The following DST variants were observed in gnomAD, a reference collection of about 807,000 sequenced individuals.
DST encodes the protein bullous pemphigoid antigen.
DST carries 253 observed loss-of-function variants against 875.2 expected under a neutral mutation model. The observed-to-expected ratio is 0.29, with a 90% CI of 0.26 to 0.32. The LOEUF (loss-of-function observed/expected upper bound fraction) is 0.32. Ranked by LOEUF, DST falls within the 10% of genes least tolerant of loss-of-function variation. The pLI, the probability that DST is intolerant of heterozygous loss-of-function variation, is 1.00. For missense variants in DST, 8,287 were observed against 9,111.6 expected (o/e 0.91, Z 3.68); for synonymous variants, 3,124 against 3,197.1 (o/e 0.98, Z 0.77).
At chr6:56,582,769 C>T (rs573279906) in intron 49 of DST, among the ~76,000 whole-genome samples, 1 of 152,164 alleles carries the variant, frequency 6.6e-6, no homozygotes, top group Non-Finnish European at 1.5e-5. Context: ...CAACAGGCCC[C>T]AGAGTGTGAT....
intron 4 of DST, among the ~76,000 whole-genome samples, chr6:56,771,413 A>G (rs1379796039): frequency 1.3e-5 from 2 of 152,214 alleles, no homozygotes; most frequent in Non-Finnish European, 2.9e-5. Context: ...TATAATAGGT[A>G]AAGAATGTGG....
intron 66 of DST, among the ~76,000 whole-genome samples, chr6:56,529,186 G>C (rs2096853996): frequency 6.6e-6 from 1 of 152,014 alleles, no homozygotes; most frequent in Non-Finnish European, 1.5e-5. Context: ...GGGCTTTGTG[G>C]ACATACTGAA....
intron 58 of DST, 23 bp downstream of exon 58, chr6:56,560,271 T>C (rs2097516325): frequency 6.4e-7 from 1 of 1,558,614 alleles, no homozygotes; most frequent in Non-Finnish European, 8.7e-7. Context: ...TTCATAGGCA[T>C]TCATCTAAGT....
At chr6:56,662,426 T>C (rs1273864468) in intron 10 of DST, among the ~76,000 whole-genome samples, 2 of 152,142 alleles carry the variant, frequency 1.3e-5, no homozygotes, top group Admixed American at 6.5e-5. Flanking sequence ...ACACATACAA[T>C]AGAATACCAT....
intron 4 of DST, among the ~76,000 whole-genome samples, chr6:56,744,717 C>T (rs918271253): frequency 1.2e-4 from 19 of 152,162 alleles, no homozygotes; most frequent in Admixed American, 3.9e-4. Flanking sequence ...CACACCCAAT[C>T]ATCAGCTGAC....
intron 87 of DST, among the ~76,000 whole-genome samples, chr6:56,485,673 T>C (rs1172593099): frequency 6.6e-6 from 1 of 152,222 alleles, no homozygotes; most frequent in African/African-American, 2.4e-5. Flanking sequence ...ATACATGGCA[T>C]CTGTTCCAGG....
chr6:56,725,653 A>T (rs1015230938), intron 5 of DST, among the ~76,000 whole-genome samples: 3 of 152,226 alleles, frequency 2.0e-5, no homozygotes, highest in African/African-American at 7.2e-5. Context: ...CTCCTCTAGT[A>T]TATGGCTTCT....
intron 2 of DST, among the ~76,000 whole-genome samples, chr6:56,938,108 C>CTCTATATATATATATA (rs1383243392): frequency 7.5e-5 from 9 of 120,748 alleles, no homozygotes; most frequent in African/African-American, 2.8e-4. Context: ...CTCTCTCTCT[C>CTCTATATATATATATA]TATATATATA....
intron 5 of DST, among the ~76,000 whole-genome samples, chr6:56,704,738 C>G (rs1186878241): frequency 2.6e-5 from 4 of 152,118 alleles, no homozygotes; most frequent in Admixed American, 1.3e-4. Flanking sequence ...TTTTCACCCC[C>G]GCAGTTGATC....
At chr6:56,613,753 C>T (rs1400408343) in intron 37 of DST, among the ~76,000 whole-genome samples, 1 of 152,150 alleles carries the variant, frequency 6.6e-6, no homozygotes, top group East Asian at 1.9e-4. Context: ...CTGCGGCCAT[C>T]CAACTAATCC....
intron 94 of DST, 63 bp downstream of exon 94, chr6:56,471,996 G>T: frequency 6.5e-7 from 1 of 1,530,642 alleles, no homozygotes; most frequent in Non-Finnish European, 9.1e-7. Context: ...TTTGGCAATG[G>T]CAATGTGTTA....
At chr6:56,631,421 G>T in intron 29 of DST, 32 bp from the exon 30 acceptor site, 1 of 1,588,024 alleles carries the variant, frequency 6.3e-7, no homozygotes, top group Non-Finnish European at 8.6e-7. Flanking sequence ...AAGGTATCAG[G>T]CCATCACCTG....
chr6:56,518,036 G>A (rs2096629049), intron 69 of DST, among the ~76,000 whole-genome samples: 1 of 151,912 alleles, frequency 6.6e-6, no homozygotes, highest in African/African-American at 2.4e-5. Flanking sequence ...AAAGTACATA[G>A]TTCCAAGCAA....
intron 82 of DST, among the ~76,000 whole-genome samples, chr6:56,496,932 C>T (rs920253611): frequency 2.6e-5 from 4 of 151,968 alleles, no homozygotes; most frequent in Admixed American, 2.6e-4. Flanking sequence ...CCAAACACTG[C>T]ATATTCTCAC....
intron 4 of DST, among the ~76,000 whole-genome samples, chr6:56,812,879 A>T (rs547666606): frequency 1.3e-4 from 20 of 152,210 alleles, no homozygotes; most frequent in African/African-American, 3.9e-4. Context: ...CCATCCCATT[A>T]CTGGGTATAT....
chr6:56,683,831 T>C (rs554216496), intron 9 of DST, among the ~76,000 whole-genome samples: 3 of 152,294 alleles, frequency 2.0e-5, no homozygotes, highest in Non-Finnish European at 4.4e-5. Context: ...AAGTGTCCAA[T>C]GGGGAACACA....
intron 47 of DST, among the ~76,000 whole-genome samples, chr6:56,596,904 T>C (rs1013910161): frequency 6.6e-6 from 1 of 152,218 alleles, no homozygotes; most frequent in African/African-American, 2.4e-5. Context: ...TTCTCAACAA[T>C]AGCCTTAACT....
chr6:56,655,881 T>C (rs1484327858), intron 10 of DST, among the ~76,000 whole-genome samples: 2 of 152,260 alleles, frequency 1.3e-5, no homozygotes, highest in East Asian at 3.8e-4. Flanking sequence ...TTCATAACTA[T>C]ATATCTGCCT....
Position 56,569,964 on chromosome 6 carries a change from A to T in DST, c.13770T>A (p.Val4590=). The T allele has an allele frequency of 6.2e-7, 1 of 1,608,770 alleles. No homozygotes were observed. Among genetic ancestry groups the T allele is most frequent in the Non-Finnish European group, 8.5e-7 (1 of 1,178,412 alleles). The change falls in exon 54 of 104, where the codon GTT becomes GTA. Residue 4590 remains valine, a synonymous_variant. Transcript: ENST00000680361. ...TCCATGACTTCAATGATTTAACAAGAACTTGGAAAGCATCCAACTGTTCTT... is the reference window on the plus strand; with the variant it reads ...TCCATGACTTCAATGATTTAACAAGTACTTGGAAAGCATCCAACTGTTCTT... ...SCQEQLDAFQ[V]LVKSLKSWIK...
Sources: gnomAD v4.1 joint callset for allele counts (sites outside exome capture counted in the v4.1 genomes callset) on GRCh38, gnomAD v4.1.1 for gene constraint, MANE v1.5 for transcripts, NCBI Gene and HGNC (gene_info 2026-07-23, HGNC 2026-07-21) for gene names.